The following CSMD3 variants were observed in gnomAD, a reference collection of about 807,000 sequenced individuals.
The protein encoded by CSMD3 is CUB and Sushi multiple domains 3.
A neutral mutation model predicts 435.2 loss-of-function variants in CSMD3; 177 were observed. That is an observed-to-expected ratio of 0.41 (90% CI 0.36 to 0.46). The LOEUF is 0.46. CSMD3 is among the 20% of genes least tolerant of loss of function. CSMD3 has a pLI of 0.34. For synonymous variants in CSMD3, 1,656 were observed against 1,520.5 expected (o/e 1.09, Z -2.07); for missense variants, 4,265 against 4,504.6 (o/e 0.95, Z 1.52).
At chr8:112,406,868 T>C (rs1831907869) in intron 34 of CSMD3, 141 bp from the exon 35 acceptor site, 1 of 470,044 alleles carries the variant, frequency 2.1e-6, no homozygotes, top group Non-Finnish European at 3.7e-6. Flanking sequence ...ATTCTTAAAG[T>C]TTTAAATTTC....
intron 4 of CSMD3, among the ~76,000 whole-genome samples, chr8:113,168,213 T>C (rs2131862261): frequency 6.6e-6 from 1 of 152,128 alleles, no homozygotes; most frequent in East Asian, 1.9e-4. Flanking sequence ...CAATGGTTTG[T>C]AATAAAATGT....
At chr8:112,759,659 T>C (rs2077788995) in intron 13 of CSMD3, among the ~76,000 whole-genome samples, 1 of 152,164 alleles carries the variant, frequency 6.6e-6, no homozygotes, top group African/African-American at 2.4e-5. Flanking sequence ...ATTTGATTAA[T>C]GTATCAAGTA....
intron 64 of CSMD3, among the ~76,000 whole-genome samples, 192 bp downstream of exon 64, chr8:112,246,828 C>T (rs1814779000): frequency 6.6e-6 from 1 of 152,112 alleles, no homozygotes; most frequent in South Asian, 2.1e-4. Context: ...TGCTTTCTGA[C>T]TTACTTAGAG....
chr8:112,500,016 C>T (rs151146622), intron 30 of CSMD3, among the ~76,000 whole-genome samples: 2,090 of 151,906 alleles, frequency 0.014, 55 homozygotes, highest in African/African-American at 0.047. Context: ...GGCTGAGGGA[C>T]GAGAATTGCT....
intron 16 of CSMD3, among the ~76,000 whole-genome samples, chr8:112,667,459 T>C (rs2075553011): frequency 6.6e-6 from 1 of 152,202 alleles, no homozygotes; most frequent in African/African-American, 2.4e-5. Flanking sequence ...CATCATCTCA[T>C]CCTTGAAGTA....
intron 7 of CSMD3, among the ~76,000 whole-genome samples, chr8:112,963,602 C>A (rs982930159): frequency 2.0e-5 from 3 of 151,892 alleles, no homozygotes; most frequent in Admixed American, 6.6e-5. Context: ...CGCAACTGTG[C>A]TGTTTTCTAG....
At chr8:112,718,679 G>A (rs539407710) in intron 13 of CSMD3, among the ~76,000 whole-genome samples, 3 of 151,942 alleles carry the variant, frequency 2.0e-5, no homozygotes, top group Admixed American at 2.0e-4. Context: ...ACTTATGTAA[G>A]GTGTCTATCC....
intron 13 of CSMD3, among the ~76,000 whole-genome samples, chr8:112,748,588 G>C (rs1288865020): frequency 6.6e-6 from 1 of 151,964 alleles, no homozygotes; most frequent in African/African-American, 2.4e-5. Flanking sequence ...GGGAACATGA[G>C]GTATTTGATT....
chr8:113,008,483 T>C (rs1464020784), intron 6 of CSMD3, among the ~76,000 whole-genome samples: 1 of 151,850 alleles, frequency 6.6e-6, no homozygotes, highest in Non-Finnish European at 1.5e-5. Context: ...CTCCAGCCAC[T>C]TGTAGGTTTT....
At chr8:113,256,301 T>G (rs2093380327) in intron 3 of CSMD3, among the ~76,000 whole-genome samples, 1 of 152,154 alleles carries the variant, frequency 6.6e-6, no homozygotes, top group Admixed American at 6.5e-5. Context: ...ATAAAACACT[T>G]AAGATACATT....
At chr8:113,252,553 C>A (rs1332653536) in intron 3 of CSMD3, among the ~76,000 whole-genome samples, 1 of 152,100 alleles carries the variant, frequency 6.6e-6, no homozygotes, top group Non-Finnish European at 1.5e-5. Context: ...CTAACTCAGA[C>A]TCCATAGAGC....
intron 5 of CSMD3, among the ~76,000 whole-genome samples, chr8:113,055,687 C>CT (rs1185975826): frequency 2.0e-5 from 3 of 152,090 alleles, no homozygotes; most frequent in African/African-American, 7.2e-5. Flanking sequence ...GCATAACATT[C>CT]TTTAAGTTTT....
chr8:113,300,031 G>A (rs1361096383), intron 2 of CSMD3, among the ~76,000 whole-genome samples: 1 of 151,730 alleles, frequency 6.6e-6, no homozygotes, highest in Non-Finnish European at 1.5e-5. Context: ...GTGCATGTCT[G>A]CAGTCCCAGC....
At chr8:112,551,209 C>T (rs557220108) in intron 26 of CSMD3, among the ~76,000 whole-genome samples, 49 of 152,132 alleles carry the variant, frequency 3.2e-4, no homozygotes, top group Admixed American at 1.6e-3. Context: ...AAATGCGTTA[C>T]ATATATTTTA....
chr8:112,504,976 G>T (rs1039964062), intron 29 of CSMD3, among the ~76,000 whole-genome samples: 1 of 152,060 alleles, frequency 6.6e-6, no homozygotes, highest in Non-Finnish European at 1.5e-5. Context: ...TATCATATTT[G>T]CCTGCATCTA....
chr8:112,536,239 T>TACTCATCTG (rs1315980559), intron 27 of CSMD3, among the ~76,000 whole-genome samples: 1,826 of 150,972 alleles, frequency 0.012, 34 homozygotes, highest in African/African-American at 0.042. Context: ...ACAGGCAACC[T>TACTCATCTG]ACAAAATGGG....
intron 1 of CSMD3, among the ~76,000 whole-genome samples, chr8:113,408,654 AG>A (rs2094543789): frequency 2.0e-5 from 3 of 150,188 alleles, no homozygotes; most frequent in Admixed American, 6.6e-5. Context: ...CGTGACAAGG[AG>A]TTTTTTTTTT....
At chr8:112,640,637 C>A (rs1379252922) in intron 20 of CSMD3, among the ~76,000 whole-genome samples, 1 of 151,454 alleles carries the variant, frequency 6.6e-6, no homozygotes, top group African/African-American at 2.4e-5. Context: ...ATACAAGAGC[C>A]CTTTTAGAGG....
intron 5 of CSMD3, 88 bp from the exon 6 acceptor site, chr8:113,019,267 A>G: frequency 1.2e-6 from 1 of 818,242 alleles, no homozygotes; most frequent in East Asian, 2.5e-5. Context: ...CAAATGTCCA[A>G]CTATATTCAT....
Sources: allele counts gnomAD v4.1 joint callset (sites outside exome capture counted in the v4.1 genomes callset), GRCh38; gene constraint gnomAD v4.1.1; transcripts MANE v1.5; gene names NCBI Gene and HGNC (gene_info 2026-07-23, HGNC 2026-07-21).